The following IYD variants were observed in gnomAD, a reference collection of about 807,000 sequenced individuals.
The protein encoded by IYD is iodotyrosine deiodinase 1.
IYD carries 25 observed loss-of-function variants against 28.4 expected under a neutral mutation model. The ratio of observed to expected loss-of-function variants is 0.88; its 90% CI spans 0.64 to 1.23. The LOEUF is 1.23. IYD is among the 50% of genes most tolerant of loss of function. IYD has a pLI of 0.00. For missense variants in IYD, 352 were observed against 357.9 expected (o/e 0.98, Z 0.13); for synonymous variants, 140 against 130.8 (o/e 1.07, Z -0.48).
chr6:150,387,661 C>G (rs1777926723), intron 1 of IYD, among the ~76,000 whole-genome samples: 1 of 151,994 alleles, frequency 6.6e-6, no homozygotes, highest in South Asian at 2.1e-4. Flanking sequence ...TTGCCCAATT[C>G]TAAGTGTTTT....
Position 150,392,231 on chromosome 6 carries a change from C to T in IYD, c.371-114C>T, listed in dbSNP as rs984407214. On this transcript the variant is annotated intron_variant, in intron 2 of 4. Coordinates refer to ENST00000344419, the MANE Select transcript of IYD (RefSeq NM_203395.3). ...AAAAATCTGCAAAATTTTGTTTGAT[C>T]CTCCAGCTCCAGCCTCCCAAAGTGC... 3.2e-6 allele frequency: 5 copies of T among 1,552,616 alleles called. No individual in the cohort carries two copies. The African/African-American group carries it at 6.9e-5, about 21-fold the overall frequency.
In IYD at chr6:150,400,942, G is replaced by A. The variant is rs1250318309; in HGVS notation, c.*2705G>A. 6.6e-6 allele frequency: 1 copy of A among 152,206 alleles called. No homozygotes were observed. The highest frequency in any genetic ancestry group is 1.5e-5 in the Non-Finnish European group (1 of 68,046). The allele number at this position is 152,206 out of a possible 1,614,324, so 9.4% of individuals were successfully genotyped here. A position where few individuals can be genotyped will look rare whatever the true frequency, so the allele number is the denominator to read the frequency against. ...GGGAATGTTGAATGTGGATCTGGTGGTAGGTGATATTGTTAGTGATGTGAG... is the reference window on the plus strand; with the variant it reads ...GGGAATGTTGAATGTGGATCTGGTGATAGGTGATATTGTTAGTGATGTGAG... On this transcript the variant is annotated 3_prime_UTR_variant, in exon 5 of 5. Coordinates refer to ENST00000344419, the MANE Select transcript of IYD (RefSeq NM_203395.3).
At chr6:150,395,560 T>A (rs612421) in intron 4 of IYD, 108 of 1,537,116 alleles carry the variant, frequency 7.0e-5, no homozygotes, top group Non-Finnish European at 9.0e-5. Context: ...CTCACAAGGC[T>A]GCCCAGGTGC....
In IYD at chr6:150,389,483, A is replaced by G; in HGVS notation, c.310A>G (p.Arg104Gly). Residue 104 changes from arginine (R) to glycine (G), a missense_variant, in exon 2 of 5, where the codon AGG becomes GGG. Physicochemically the swap from Arg to Gly is moderately radical, Grantham distance 125. Transcript: ENST00000344419. The stretch of plus-strand genomic sequence containing the variant: ...ACTTCTCAATAAGAGACGGTCAGTC[A>G]GGTTCATAAGTAATGAGCAAGTCCC... ...YELLNKRRSV[R>G]FISNEQVPME... The G allele has an allele frequency of 1.2e-6, 2 of 1,614,106 alleles. No homozygotes were observed. Among genetic ancestry groups the G allele is most frequent in the South Asian group, 1.1e-5 (1 of 91,082 alleles).
At position 150,402,805 on chromosome 6, in the gene IYD, T is replaced by G. The variant is rs969031153; in HGVS notation, c.*4568T>G. The G allele has an allele frequency of 1.8e-4, 27 of 152,202 alleles. No homozygotes were observed. The highest frequency in any genetic ancestry group is 6.0e-4 in the African/African-American group (25 of 41,454). 9.4% of individuals were successfully genotyped at this position (152,202 alleles called of 1,614,324 possible). On this transcript the variant is annotated 3_prime_UTR_variant, in exon 5 of 5. Transcript: ENST00000344419. ...ATTTCTTCTTATTTGCTCCTCCCTA[T>G]GAAAGGAAGAGTGACTTCTCTGCTG...
At chr6:150,392,296 C>T (rs750481875) in intron 2 of IYD, 49 bp from the exon 3 acceptor site, 5 of 1,610,584 alleles carry the variant, frequency 3.1e-6, no homozygotes, top group Non-Finnish European at 4.2e-6. Flanking sequence ...TTAGCAGTCT[C>T]ACACTTTCCT....
intron 1 of IYD, among the ~76,000 whole-genome samples, chr6:150,372,761 TGTGGGTGGGG>T (rs1777313810): frequency 5.5e-5 from 3 of 54,914 alleles, no homozygotes; most frequent in African/African-American, 2.9e-4. Context: ...TGTATGTGTG[TGTGGGTGGGG>T]TGGGGGTGGT....
At position 150,377,739 on chromosome 6, in the gene IYD, A is replaced by G. The variant is rs75813528; in HGVS notation, c.178+8530A>G. Among the ~76,000 whole-genome samples the G allele has an allele frequency of 1.1e-3, 162 of 152,360 alleles. 1 individual carries two copies. Among genetic ancestry groups the G allele is most frequent in the African/African-American group, 3.8e-3 (156 of 41,584 alleles). On this transcript the variant is annotated intron_variant, in intron 1 of 4. Coordinates refer to ENST00000344419, the MANE Select transcript of IYD (RefSeq NM_203395.3). ...TAGTAACTTACCTTTCAAAGAGTTA[A>G]GGAAGCATTTAATGCATTTGCTTAT...
chr6:150,391,336 T>C (rs1200821895), intron 2 of IYD, among the ~76,000 whole-genome samples: 1 of 152,078 alleles, frequency 6.6e-6, no homozygotes, highest in East Asian at 1.9e-4. Flanking sequence ...AAACACTGTA[T>C]AGCTAAGTTG....
At chr6:150,381,571 A>G (rs1347468626) in intron 1 of IYD, among the ~76,000 whole-genome samples, 2 of 152,210 alleles carry the variant, frequency 1.3e-5, no homozygotes, top group Non-Finnish European at 1.5e-5. Context: ...TAAGAAATAT[A>G]CACATCCAAC....
intron 1 of IYD, among the ~76,000 whole-genome samples, chr6:150,384,063 G>A (rs748730816): frequency 7.9e-5 from 12 of 152,100 alleles, no homozygotes; most frequent in Non-Finnish European, 1.5e-4. Flanking sequence ...AATGATTCAG[G>A]TAGGACACAA....
chr6:150,388,111 T>C (rs1326698448), intron 1 of IYD, among the ~76,000 whole-genome samples: 2 of 152,220 alleles, frequency 1.3e-5, no homozygotes, highest in African/African-American at 4.8e-5. Context: ...GGCATTTTCT[T>C]CTGCTAGACA....
chr6:150,397,241 C>T (rs1442670498), intron 4 of IYD, among the ~76,000 whole-genome samples: 3 of 151,870 alleles, frequency 2.0e-5, no homozygotes, highest in Non-Finnish European at 4.4e-5. Context: ...TCATAGATTC[C>T]AGGCAGATCA....
Position 150,392,354 on chromosome 6 carries a change from C to T in IYD, c.380C>T (p.Pro127Leu), listed in dbSNP as rs372196319. ...DNVIRTAGTA[P>L]SGAHTEPWTF... is the part of the protein sequence containing the mutation. ...ATGGAATGGGTGACAGGAACAGCCC[C>T]GAGTGGGGCTCACACAGAGCCCTGG... Residue 127 changes from proline to leucine, a missense_variant, in exon 3 of 5, where the codon CCG (proline) becomes CTG (leucine). Pro to Leu is a moderately conservative substitution (Grantham distance 98, BLOSUM62 -3). Coordinates refer to ENST00000344419, the MANE Select transcript of IYD (RefSeq NM_203395.3). The T allele has an allele frequency of 1.1e-5, 17 of 1,613,224 alleles. No homozygotes were observed. Among genetic ancestry groups the T allele is most frequent in the East Asian group, 6.7e-5 (3 of 44,896 alleles).
intron 1 of IYD, among the ~76,000 whole-genome samples, chr6:150,386,656 A>G (rs562060099): frequency 3.2e-4 from 49 of 152,144 alleles, no homozygotes; most frequent in Non-Finnish European, 5.6e-4. Context: ...GGATTTTTAC[A>G]TTTCTTCTTA....
At position 150,390,421 on chromosome 6, in the gene IYD, T is replaced by G. The variant is rs79877787; in HGVS notation, c.370+878T>G. 9.7e-3 allele frequency among the ~76,000 whole-genome samples: 1,470 copies of G among 152,312 alleles called. 17 individuals are homozygous for G. Among genetic ancestry groups the G allele is most frequent in the African/African-American group, 0.03 (1,236 of 41,554 alleles). ...ACAACTAAAAACATTAGGGAAAAAT[T>G]TATTTCTTATGTTTAGAGATACAAA... On this transcript the variant is annotated intron_variant, in intron 2 of 4. Transcript: ENST00000344419.
chr6:150,383,282 G>A (rs182506713), intron 1 of IYD, among the ~76,000 whole-genome samples: 2 of 152,220 alleles, frequency 1.3e-5, no homozygotes, highest in Admixed American at 6.5e-5. Flanking sequence ...TAAAGTGTAG[G>A]GGGCTGTCAA....
At chr6:150,370,261 G>A (rs369155991) in intron 1 of IYD, among the ~76,000 whole-genome samples, 18 of 120,296 alleles carry the variant, frequency 1.5e-4, no homozygotes, top group African/African-American at 7.8e-4. Context: ...GTGTGTGCGC[G>A]TGCATGTGAG....
At chr6:150,375,384 G>A (rs1337145595) in intron 1 of IYD, among the ~76,000 whole-genome samples, 1 of 152,136 alleles carries the variant, frequency 6.6e-6, no homozygotes, top group Admixed American at 6.5e-5. Context: ...ACTGCATTAT[G>A]GGAGTCTTCA....
Sources: gnomAD v4.1 joint callset for allele counts (sites outside exome capture counted in the v4.1 genomes callset) on GRCh38, gnomAD v4.1.1 for gene constraint, MANE v1.5 for transcripts, NCBI Gene and HGNC (gene_info 2026-07-23, HGNC 2026-07-21) for gene names.